The following EML1 variants were observed in gnomAD, a reference collection of about 807,000 sequenced individuals.
EML1 encodes echinoderm microtubule-associated protein-like 1.
In EML1, 27 loss-of-function variants were observed where a neutral mutation model predicts 110.4. That is an observed-to-expected ratio of 0.24 (90% CI 0.18 to 0.34). The LOEUF (loss-of-function observed/expected upper bound fraction) is 0.34. EML1 is among the 10% of genes least tolerant of loss of function. EML1 has a pLI of 1.00. For missense variants in EML1, 741 were observed against 1,030.9 expected (o/e 0.72, Z 3.85); for synonymous variants, 344 against 385.8 (o/e 0.89, Z 1.27).
intron 1 of EML1, among the ~76,000 whole-genome samples, chr14:99,812,721 G>C (rs574865154): frequency 6.6e-6 from 1 of 152,306 alleles, no homozygotes; most frequent in South Asian, 2.1e-4. Flanking sequence ...AGTTTCAGGG[G>C]TCAAGGAAAT....
chr14:99,815,443 G>T (rs1393725193), intron 1 of EML1, among the ~76,000 whole-genome samples: 1 of 152,092 alleles, frequency 6.6e-6, no homozygotes, highest in Non-Finnish European at 1.5e-5. Flanking sequence ...GCCCTGCTGA[G>T]GCTTGGCTTC....
chr14:99,883,050 C>A (rs1207200500), intron 4 of EML1, among the ~76,000 whole-genome samples: 1 of 152,096 alleles, frequency 6.6e-6, no homozygotes, highest in Admixed American at 6.5e-5. Flanking sequence ...TTTTCCTTTA[C>A]GATAGCATCA....
chr14:99,788,490 T>A (rs1002064598), upstream of EML1, among the ~76,000 whole-genome samples: 5 of 152,140 alleles, frequency 3.3e-5, no homozygotes, highest in African/African-American at 1.2e-4. Context: ...GTGTCTGTAG[T>A]TTCAGCTGCT....
chr14:99,808,483 T>C (rs929304888), intron 1 of EML1, among the ~76,000 whole-genome samples: 1 of 152,234 alleles, frequency 6.6e-6, no homozygotes, highest in African/African-American at 2.4e-5. Context: ...CTAATTACTG[T>C]AGGTTGGAGT....
At chr14:99,742,284 G>A (rs538061008) in intron 1 of EML1, among the ~76,000 whole-genome samples, 7 of 152,226 alleles carry the variant, frequency 4.6e-5, no homozygotes, top group Non-Finnish European at 1.0e-4. Context: ...TGGTTGCCAA[G>A]GCTGGAGGCA....
intron 20 of EML1, 80 bp downstream of exon 20, chr14:99,937,992 C>T (rs1469427478): frequency 5.6e-6 from 8 of 1,417,020 alleles, no homozygotes; most frequent in Non-Finnish European, 7.9e-6. Flanking sequence ...TACGGAGTCT[C>T]ATGGTCACCA....
intron 1 of EML1, among the ~76,000 whole-genome samples, chr14:99,743,396 C>T (rs1230631848): frequency 6.6e-6 from 1 of 152,164 alleles, no homozygotes; most frequent in Non-Finnish European, 1.5e-5. Context: ...ATAGTAGCTT[C>T]GAGTGGCACC....
chr14:99,848,733 A>G (rs995519592), intron 1 of EML1, among the ~76,000 whole-genome samples: 2 of 152,128 alleles, frequency 1.3e-5, no homozygotes, highest in African/African-American at 2.4e-5. Context: ...TGGGAGGGTG[A>G]AGCAGGATCA....
At chr14:99,857,281 T>A (rs939649843) in intron 2 of EML1, among the ~76,000 whole-genome samples, 6 of 135,028 alleles carry the variant, frequency 4.4e-5, no homozygotes, top group East Asian at 1.9e-4. Context: ...AAAAAAAAAA[T>A]AAATAAATAA....
upstream of EML1, among the ~76,000 whole-genome samples, chr14:99,770,547 A>T (rs2057414611): frequency 6.6e-6 from 1 of 152,066 alleles, no homozygotes; most frequent in Non-Finnish European, 1.5e-5. Flanking sequence ...GCATTTCAAC[A>T]CATGAATTTT....
intron 1 of EML1, among the ~76,000 whole-genome samples, chr14:99,835,515 A>G (rs925297867): frequency 3.3e-5 from 5 of 151,780 alleles, no homozygotes; most frequent in Non-Finnish European, 7.4e-5. Context: ...GGGTTCCTGA[A>G]GGTTTGGTTT....
chr14:99,881,013 C>T lies in EML1; in HGVS notation c.518+2394C>T, dbSNP rs147100866. Among the ~76,000 whole-genome samples the T allele has an allele frequency of 1.1e-4, 17 of 152,208 alleles. No homozygotes were observed. In the East Asian group the frequency reaches 2.7e-3, roughly 24 times the overall value. On this transcript the variant is annotated intron_variant, in intron 4 of 21. Coordinates refer to ENST00000262233, the MANE Select transcript of EML1 (RefSeq NM_004434.3). ...GAAAGTGTTAGATTTTGTCACAATC[C>T]GCGTTGCACTTGTGTCTAACGTAGT...
chr14:99,853,872 T>C (rs1220908093), intron 2 of EML1, among the ~76,000 whole-genome samples: 1 of 152,214 alleles, frequency 6.6e-6, no homozygotes, highest in Non-Finnish European at 1.5e-5. Context: ...GGTTTCACCA[T>C]GTTGGCCAGG....
chr14:99,920,084 T>G (rs905136388), intron 16 of EML1, among the ~76,000 whole-genome samples: 7 of 152,134 alleles, frequency 4.6e-5, no homozygotes, highest in African/African-American at 1.7e-4. Context: ...TAACACTCAT[T>G]TAGTGGGTAC....
At chr14:99,892,499 A>G (rs2059604965) in intron 5 of EML1, among the ~76,000 whole-genome samples, 1 of 152,122 alleles carries the variant, frequency 6.6e-6, no homozygotes, top group Non-Finnish European at 1.5e-5. Flanking sequence ...ACTTGGTATC[A>G]TGCACTGCTG....
At chr14:99,868,565 T>C (rs960549120) in intron 3 of EML1, among the ~76,000 whole-genome samples, 3 of 152,148 alleles carry the variant, frequency 2.0e-5, no homozygotes, top group Non-Finnish European at 2.9e-5. Context: ...CTAGGACTTA[T>C]CCATTTGCTC....
chr14:99,760,061 C>A (rs1205547499), intron 1 of EML1, among the ~76,000 whole-genome samples: 1 of 103,236 alleles, frequency 9.7e-6, no homozygotes, highest in African/African-American at 3.8e-5. Context: ...CCAGCCTGGG[C>A]AACAAGAGCT....
At chr14:99,895,908 C>G (rs1051592650) in intron 6 of EML1, among the ~76,000 whole-genome samples, 2 of 151,952 alleles carry the variant, frequency 1.3e-5, no homozygotes, top group African/African-American at 4.8e-5. Flanking sequence ...TCATATCAAT[C>G]AAAAAGGCTC....
intron 1 of EML1, among the ~76,000 whole-genome samples, chr14:99,826,042 T>C (rs987433231): frequency 4.6e-5 from 7 of 152,230 alleles, no homozygotes; most frequent in African/African-American, 1.7e-4. Context: ...TGTGAGTTCT[T>C]GTGAGGTTGA....
Sources: allele counts gnomAD v4.1 joint callset (sites outside exome capture counted in the v4.1 genomes callset), GRCh38; gene constraint gnomAD v4.1.1; transcripts MANE v1.5; gene names NCBI Gene and HGNC (gene_info 2026-07-23, HGNC 2026-07-21).